The following NEMP1 variants were observed in gnomAD, a reference collection of about 807,000 sequenced individuals.
NEMP1 encodes the protein transmembrane protein 194.
A neutral mutation model predicts 53.7 loss-of-function variants in NEMP1; 29 were observed. That is an observed-to-expected ratio of 0.54 (90% CI 0.40 to 0.74). The LOEUF (loss-of-function observed/expected upper bound fraction) is 0.74, where lower values mean the gene tolerates loss of function less well. Among genes scored for constraint, NEMP1 ranks in the 30% least tolerant of loss-of-function variants. NEMP1 has a pLI of 0.00. For missense variants in NEMP1, 477 were observed against 528.6 expected (o/e 0.90, Z 0.96); for synonymous variants, 193 against 192.9 (o/e 1.00, Z 0.00).
chr12:57,086,312 G>A (rs938064351), intron 1 of NEMP1, among the ~76,000 whole-genome samples: 3 of 152,158 alleles, frequency 2.0e-5, no homozygotes, highest in African/African-American at 7.2e-5. Context: ...CTTCACGGAG[G>A]AGACCAGCAC....
At position 57,070,879 on chromosome 12, in the gene NEMP1, A is replaced by G; in HGVS notation, c.267T>C (p.Ser89=). ...IWTRIQIRVN[S]SRLVRVTQVE... ...CCTGGGTGACTCGAACCAATCTGGA[A>G]CTATTTACTCGGATCTGTAACACAA... The change falls in exon 3 of 9, where the codon AGT becomes AGC. Residue 89 remains serine (S), a synonymous_variant. Coordinates refer to ENST00000300128, the MANE Select transcript of NEMP1 (RefSeq NM_001130963.2). 1 of 1,613,720 alleles carries G rather than the reference A, an allele frequency of 6.2e-7. No homozygotes were observed. The highest frequency in any genetic ancestry group is 2.2e-5 in the East Asian group (1 of 44,872).
At position 57,073,391 on chromosome 12, in the gene NEMP1, G is replaced by C. The variant is rs780521380; in HGVS notation, c.128-479C>G. Among the ~76,000 whole-genome samples the C allele has an allele frequency of 4.1e-4, 63 of 152,112 alleles. 1 individual carries two copies. The highest frequency in any genetic ancestry group is 5.3e-4 in the Non-Finnish European group (36 of 67,996). On this transcript the variant is annotated intron_variant, in intron 1 of 8. Transcript: ENST00000300128. ...GCGGTGGCTCATGCCTGTAATCCCA[G>C]CACTTTGGGAGGCTGAGGTGGGCGG...
At position 57,058,491 on chromosome 12, in the gene NEMP1, AG is replaced by A. The variant is rs1267653834; in HGVS notation, c.*1387del. The A allele has an allele frequency of 6.6e-6, 1 of 152,254 alleles. No individual in the cohort carries two copies. The highest frequency in any genetic ancestry group is 1.5e-5 in the Non-Finnish European group (1 of 68,052). The allele number at this position is 152,254 out of a possible 1,614,324, so 9.4% of individuals were successfully genotyped here. A position where few individuals can be genotyped will look rare whatever the true frequency, so the allele number is the denominator to read the frequency against. ...AAAGAAAAAGAACCAAGTAAATGAC[AG>A]ACACTTGAGAATTTGCTTCCTCACA... On this transcript the variant is annotated 3_prime_UTR_variant, in exon 9 of 9. Coordinates refer to ENST00000300128, the MANE Select transcript of NEMP1 (RefSeq NM_001130963.2).
At position 57,078,666 on chromosome 12, in the gene NEMP1, G is replaced by C; in HGVS notation, c.80C>G (p.Thr27Arg). 6.2e-7 allele frequency: 1 copy of C among 1,613,406 alleles called. No individual in the cohort carries two copies. Among genetic ancestry groups the C allele is most frequent in the African/African-American group, 1.3e-5 (1 of 75,010 alleles). ...PWGSGVGGGG[T>R]VRLLLILSGC... The stretch of plus-strand genomic sequence containing the variant: ...GGAGAGGATCAAGAGTAGCCGCACT[G>C]TCCCACCGCCCCCGACTCCCGAGCC... Residue 27 changes from threonine to arginine, a missense_variant, in exon 1 of 9, where the codon ACA becomes AGA. Transcript: ENST00000300128.
chr12:57,073,252 G>T (rs371785305), intron 1 of NEMP1, among the ~76,000 whole-genome samples: 1 of 151,838 alleles, frequency 6.6e-6, no homozygotes, highest in South Asian at 2.1e-4. Flanking sequence ...CGCCCCCTGG[G>T]TTCACGCCAT....
intron 5 of NEMP1, 99 bp downstream of exon 5, chr12:57,064,547 C>G (rs1266252926): frequency 8.5e-6 from 7 of 823,052 alleles, no homozygotes; most frequent in Admixed American, 4.9e-5. Flanking sequence ...GACTCATCAG[C>G]CATCAATACA....
chr12:57,067,727 G>T (rs1468569017), intron 4 of NEMP1, among the ~76,000 whole-genome samples: 3 of 152,180 alleles, frequency 2.0e-5, no homozygotes, highest in Non-Finnish European at 2.9e-5. Context: ...CTTCCCTCAT[G>T]TATTTCCCAA....
At chr12:57,087,335 G>A (rs1565670673) in intron 1 of NEMP1, among the ~76,000 whole-genome samples, 1 of 152,162 alleles carries the variant, frequency 6.6e-6, no homozygotes, top group Non-Finnish European at 1.5e-5. Context: ...CTCGAGCAGA[G>A]GCTGCGTGGG....
At chr12:57,063,425 T>C (rs1156562484) in intron 6 of NEMP1, 81 bp from the exon 7 acceptor site, 4 of 1,099,928 alleles carry the variant, frequency 3.6e-6, no homozygotes, top group Non-Finnish European at 5.4e-6. Context: ...GTAGTTAATT[T>C]ACTATATAGC....
At position 57,065,212 on chromosome 12, in the gene NEMP1, A is replaced by T. The variant is rs12231938; in HGVS notation, c.546-473T>A. Among the ~76,000 whole-genome samples the T allele has an allele frequency of 1.6e-3, 248 of 152,290 alleles. 8 individuals are homozygous for T. The East Asian group carries it at 0.038, about 23-fold the overall frequency. Reference sequence around the variant, plus strand: ...CTTAAAATATAATGAAGTTTGCTGCATTGACTCATCCTTTCAATGAAGATT... The same window carrying T: ...CTTAAAATATAATGAAGTTTGCTGCTTTGACTCATCCTTTCAATGAAGATT... On this transcript the variant is annotated intron_variant, in intron 4 of 8. Transcript: ENST00000300128.
chr12:57,056,089 G>C lies in NEMP1; in HGVS notation c.*3790C>G, dbSNP rs1258836031. 1 of 152,204 alleles carries C rather than the reference G, an allele frequency of 6.6e-6. No homozygotes were observed. Among genetic ancestry groups the C allele is most frequent in the African/African-American group, 2.4e-5 (1 of 41,452 alleles). The allele number at this position is 152,204 out of a possible 1,614,324, so 9.4% of individuals were successfully genotyped here. ...GATGACACACACGTGGGATGGTGTG[G>C]AAATCCAAAGCCCCACATTTTGGGA... On this transcript the variant is annotated 3_prime_UTR_variant, in exon 9 of 9. Transcript: ENST00000300128.
chr12:57,078,873 AC>A, upstream of NEMP1: 1 of 1,085,114 alleles, frequency 9.2e-7, no homozygotes, highest in Non-Finnish European at 1.3e-6. Context: ...GGCTTCGAGC[AC>A]CCAGCCCTCC....
At chr12:57,069,202 G>T (rs753903484) in intron 4 of NEMP1, 32 bp downstream of exon 4, 1 of 1,470,734 alleles carries the variant, frequency 6.8e-7, no homozygotes, top group Admixed American at 2.4e-5. Flanking sequence ...GGTATGAGCC[G>T]TTTCATTCTG....
At chr12:57,063,435 C>T in intron 6 of NEMP1, 91 bp from the exon 7 acceptor site, 1 of 935,418 alleles carries the variant, frequency 1.1e-6, no homozygotes. Flanking sequence ...TACTATATAG[C>T]ACCAATTGAA....
upstream of NEMP1, among the ~76,000 whole-genome samples, chr12:57,078,992 A>AT (rs1295139040): frequency 7.2e-5 from 11 of 152,202 alleles, no homozygotes; most frequent in Non-Finnish European, 1.6e-4. Flanking sequence ...CGACAGGAAG[A>AT]TCCCACCCCG....
intron 6 of NEMP1, 75 bp from the exon 7 acceptor site, chr12:57,063,419 T>C (rs2031919700): frequency 8.3e-7 from 1 of 1,209,274 alleles, no homozygotes; most frequent in Non-Finnish European, 1.2e-6. Context: ...GAAGCAGTAG[T>C]TAATTTACTA....
chr12:57,075,244 TG>T (rs2032548691), intron 1 of NEMP1, among the ~76,000 whole-genome samples: 1 of 151,066 alleles, frequency 6.6e-6, no homozygotes, highest in Admixed American at 6.6e-5. Flanking sequence ...AAAAATTAGC[TG>T]GGTACGGTGG....
chr12:57,082,601 G>C (rs2032877868), upstream of NEMP1, among the ~76,000 whole-genome samples: 1 of 151,780 alleles, frequency 6.6e-6, no homozygotes, highest in Non-Finnish European at 1.5e-5. Flanking sequence ...AGTCCCAGCT[G>C]CTCAGGAGGC....
chr12:57,065,891 C>T (rs1592503970), intron 4 of NEMP1, among the ~76,000 whole-genome samples: 1 of 152,108 alleles, frequency 6.6e-6, no homozygotes, highest in East Asian at 1.9e-4. Flanking sequence ...TCTGAGGCTT[C>T]CTCACCTCTC....
Sources: gnomAD v4.1 joint callset for allele counts (sites outside exome capture counted in the v4.1 genomes callset) on GRCh38, gnomAD v4.1.1 for gene constraint, MANE v1.5 for transcripts, NCBI Gene and HGNC (gene_info 2026-07-23, HGNC 2026-07-21) for gene names.